Variants in ZNF550 observed in about 807,000 individuals in gnomAD.
ZNF550 encodes the protein zinc finger protein 550.
Under a neutral mutation model 40.2 loss-of-function variants are expected in ZNF550, and 42 were observed. The observed-to-expected ratio is 1.05, with a 90% CI of 0.82 to 1.35. The LOEUF is 1.35. ZNF550 is among the 40% of genes most tolerant of loss of function. The probability of loss-of-function intolerance (pLI) is 0.00; values close to 1 mark genes in which losing one functional copy is unlikely to be tolerated. For synonymous variants in ZNF550, 223 were observed against 198.6 expected (o/e 1.12, Z -1.03); for missense variants, 549 against 525.2 (o/e 1.05, Z -0.44).
chr19:57,546,984 G>A, exon 4 of ZNF550: 2 of 1,610,504 alleles, frequency 1.2e-6, no homozygotes, highest in Non-Finnish European at 1.7e-6. Flanking sequence ...CTCATGTATG[G>A]ACCCTTTGGT....
In ZNF550 at chr19:57,551,077, T is replaced by A. The variant is rs146213425; in HGVS notation, c.250+1550A>T. 3.9e-3 allele frequency among the ~76,000 whole-genome samples: 593 copies of A among 152,148 alleles called. 10 individuals are homozygous for A. Among genetic ancestry groups the A allele is most frequent in the African/African-American group, 0.014 (568 of 41,482 alleles). On this transcript the variant is annotated intron_variant, in intron 3 of 4. Coordinates refer to ENST00000457177, the Ensembl canonical transcript of ZNF550. The stretch of plus-strand genomic sequence containing the variant: ...GTACAGACAAAGCAGAGATTTTTTT[T>A]AAAAAAAGCAAGTTCCCTGAGAACA...
At chr19:57,543,331 ATCCCT>A in intron 4 of ZNF550, 1 of 336,986 alleles carries the variant, frequency 3.0e-6, no homozygotes. Flanking sequence ...CCTCTACCCC[ATCCCT>A]TCCCTCCCTC....
intron 3 of ZNF550, among the ~76,000 whole-genome samples, chr19:57,548,739 G>GA (rs1373775000): frequency 2.0e-5 from 3 of 151,572 alleles, no homozygotes; most frequent in South Asian, 4.1e-4. Flanking sequence ...ATACCCAAAA[G>GA]AAAAAAAACA....
chr19:57,546,827 G>C, exon 4 of ZNF550: 1 of 1,413,464 alleles, frequency 7.1e-7, no homozygotes, highest in South Asian at 1.7e-5. Flanking sequence ...TCATGTGTTA[G>C]TTAAGAAAGA....
rs549599979 is a variant in ZNF550, at chr19:57,546,678, A to T, written c.*297T>A. Reference sequence around the variant, plus strand: ...TATATTTGGAATGTCTTTCTCCAGCATGAGTTCTCTGATGTTGATGGAATG... The same window carrying T: ...TATATTTGGAATGTCTTTCTCCAGCTTGAGTTCTCTGATGTTGATGGAATG... On this transcript the variant is annotated 3_prime_UTR_variant, in exon 4 of 5. Transcript: ENST00000457177. 3 of 1,147,758 alleles carry T rather than the reference A, an allele frequency of 2.6e-6. No individual in the cohort carries two copies. The African/African-American group carries it at 4.7e-5, about 18-fold the overall frequency. 71.1% of individuals were successfully genotyped at this position (1,147,758 alleles called of 1,614,324 possible).
chr19:57,549,491 A>G (rs1443442554), intron 3 of ZNF550, among the ~76,000 whole-genome samples: 3 of 152,300 alleles, frequency 2.0e-5, no homozygotes, highest in South Asian at 2.1e-4. Context: ...TTTTGGTGCT[A>G]TAAGAGTTTA....
chr19:57,546,067 T>TTGCACATTTTAATGTGG (rs974319691), intron 4 of ZNF550, among the ~76,000 whole-genome samples: 71 of 152,304 alleles, frequency 4.7e-4, no homozygotes, highest in African/African-American at 1.7e-3. Context: ...GTCTTAGGTA[T>TTGCACATTTTAATGTGG]TGCACATTTT....
At chr19:57,548,141 A>T (rs1004163940) in intron 3 of ZNF550, 148 bp from the exon 4 acceptor site, 1 of 755,624 alleles carries the variant, frequency 1.3e-6, no homozygotes, top group South Asian at 1.8e-5. Flanking sequence ...GTTACCAAAT[A>T]CTGCTTACGG....
chr19:57,552,693 G>A (rs746696490), exon 3 of ZNF550: 2 of 1,598,196 alleles, frequency 1.3e-6, no homozygotes, highest in East Asian at 4.5e-5. Context: ...TCTAGCAGGT[G>A]GACCAACTCT....
At chr19:57,558,446 C>G (rs1028660190) in intron 1 of ZNF550, among the ~76,000 whole-genome samples, 2 of 152,050 alleles carry the variant, frequency 1.3e-5, no homozygotes, top group Admixed American at 6.5e-5. Flanking sequence ...ATAAGAGAGG[C>G]CTATTCAATC....
chr19:57,552,662 A>C (rs1465184632), exon 3 of ZNF550: 2 of 1,598,180 alleles, frequency 1.3e-6, no homozygotes, highest in East Asian at 2.2e-5. Context: ...TCTCTTCACT[A>C]TCCACAGCTC....
rs561323476 is a variant in ZNF550, at chr19:57,553,679, A to T, written c.155-957T>A. The T allele has an allele frequency of 2.0e-5, 3 of 152,126 alleles. No homozygotes were observed. In the East Asian group the frequency reaches 5.8e-4, roughly 29 times the overall value. The allele number at this position is 152,126 out of a possible 1,614,324, so 9.4% of individuals were successfully genotyped here. On this transcript the variant is annotated intron_variant, in intron 2 of 4. Transcript: ENST00000457177. Reference sequence around the variant, plus strand: ...GTGATCCTCCTGCCTCAGTCTCCCAAGGTGCTACTGCACCCGGCCCCAGGA... The same window carrying T: ...GTGATCCTCCTGCCTCAGTCTCCCATGGTGCTACTGCACCCGGCCCCAGGA...
rs1399944300 is a variant in ZNF550, at chr19:57,554,531, G to C, written c.154+1700C>G. ...ATTTCCTTCCAGGTGAAGCCAGTTTGATCTGGTTTTCTGTTATATGCAGCC... is the reference window on the plus strand; with the variant it reads ...ATTTCCTTCCAGGTGAAGCCAGTTTCATCTGGTTTTCTGTTATATGCAGCC... On this transcript the variant is annotated intron_variant, in intron 2 of 4. Transcript: ENST00000457177. This position sits in a 1 kb window ranked among gnomAD's most constrained non-coding sequence, Gnocchi z 4.5. 6.6e-6 allele frequency: 1 copy of C among 152,228 alleles called. No individual in the cohort carries two copies. The highest frequency in any genetic ancestry group is 1.5e-5 in the Non-Finnish European group (1 of 68,058). 9.4% of individuals were successfully genotyped at this position (152,228 alleles called of 1,614,324 possible). A position where few individuals can be genotyped will look rare whatever the true frequency, so the allele number is the denominator to read the frequency against.
At chr19:57,544,022 A>T in intron 4 of ZNF550, 1 of 985,432 alleles carries the variant, frequency 1.0e-6, no homozygotes, top group Non-Finnish European at 1.2e-6. Context: ...TGTAAGTTCA[A>T]AACTTCTACT....
chr19:57,551,016 G>T (rs1306680358), intron 3 of ZNF550, among the ~76,000 whole-genome samples: 1 of 151,892 alleles, frequency 6.6e-6, no homozygotes. Flanking sequence ...GTTTTGTATT[G>T]TGCACACTTT....
intron 2 of ZNF550, chr19:57,553,035 A>G: frequency 4.3e-6 from 1 of 232,450 alleles, no homozygotes; most frequent in East Asian, 8.9e-5. Flanking sequence ...TCATAAAAAC[A>G]GAGAGAGATC....
At chr19:57,548,386 T>C (rs1440559287) in intron 3 of ZNF550, among the ~76,000 whole-genome samples, 1 of 152,010 alleles carries the variant, frequency 6.6e-6, no homozygotes, top group African/African-American at 2.4e-5. Context: ...TAGGAAAAAA[T>C]CTAAGAATCT....
chr19:57,550,781 C>T (rs935134933), intron 3 of ZNF550, among the ~76,000 whole-genome samples: 7 of 152,124 alleles, frequency 4.6e-5, no homozygotes, highest in Admixed American at 1.3e-4. Flanking sequence ...TTATTGTATA[C>T]ATAAGATTTT....
intron 4 of ZNF550, chr19:57,544,349 A>G: frequency 1.0e-6 from 1 of 985,478 alleles, no homozygotes; most frequent in Non-Finnish European, 1.2e-6. Context: ...CCCATGGAAA[A>G]CACTCCTGCT....
Sources: gnomAD v4.1 joint callset for allele counts (sites outside exome capture counted in the v4.1 genomes callset) on GRCh38, gnomAD v4.1.1 for gene constraint, Gnocchi (gnomAD v3.1) non-coding constraint, MANE v1.5 for transcripts, NCBI Gene and HGNC (gene_info 2026-07-23, HGNC 2026-07-21) for gene names.